The following RPL39 variants were observed in gnomAD, a reference collection of about 807,000 sequenced individuals.
RPL39 encodes large ribosomal subunit protein eL39.
For synonymous variants in RPL39, 8 were observed against 11.4 expected (o/e 0.70, Z 0.60); for missense variants, 6 against 37.2 (o/e 0.16, Z 2.18).
intron 2 of RPL39, among the ~76,000 whole-genome samples, chrX:119,788,079 A>C (rs1183638028): frequency 8.9e-6 from 1 of 112,115 alleles, no homozygotes; most frequent in African/African-American, 3.2e-5. Context: ...CAGTAAACAA[A>C]TGGTAAGCAA....
intron 2 of RPL39, among the ~76,000 whole-genome samples, chrX:119,789,168 G>A (rs34723160): frequency 1.8e-5 from 2 of 111,255 alleles, no homozygotes; most frequent in Admixed American, 9.6e-5. Flanking sequence ...AGAGAGATGA[G>A]GTGGGAGGGT....
chrX:119,789,899 A>C lies in RPL39; in HGVS notation c.107+9T>G. 1.9e-6 allele frequency: 2 copies of C among 1,045,982 alleles called. No individual in the cohort carries two copies. Among genetic ancestry groups the C allele is most frequent in the Non-Finnish European group, 2.7e-6 (2 of 745,015 alleles). 86.2% of individuals were successfully genotyped at this position (1,045,982 alleles called of 1,213,427 possible). On this transcript the variant is annotated intron_variant, in intron 2 of 2. Coordinates refer to ENST00000361575, the MANE Select transcript of RPL39 (RefSeq NM_001000.4). ...TAGCAAAATACAAGCAGTATGATGG[A>C]GGTCTTACCTGATTTTATTTCCAGT...
In RPL39 at chrX:119,786,552, G is replaced by A. The variant is rs1309930359; in HGVS notation, c.*132C>T. Reference sequence around the variant, plus strand: ...TTATTACTGAATCCAGCCAACCAACGTGTTCATAACAGATTCAGAGAGGAA... The same window carrying A: ...TTATTACTGAATCCAGCCAACCAACATGTTCATAACAGATTCAGAGAGGAA... On this transcript the variant is annotated 3_prime_UTR_variant, in exon 3 of 3. Coordinates refer to ENST00000361575, the MANE Select transcript of RPL39 (RefSeq NM_001000.4). 9 of 495,496 alleles carry A rather than the reference G, an allele frequency of 1.8e-5. No homozygotes were observed. The highest frequency in any genetic ancestry group is 7.0e-5 in the East Asian group (2 of 28,466). 40.8% of individuals were successfully genotyped at this position (495,496 alleles called of 1,213,427 possible).
intron 2 of RPL39, chrX:119,787,401 C>A (rs766599847): frequency 2.1e-5 from 8 of 373,194 alleles, no homozygotes; most frequent in Non-Finnish European, 3.1e-5. Context: ...AAGGCAAAAT[C>A]AAAAATGATT....
chrX:119,786,673 T>C lies in RPL39; in HGVS notation c.*11A>G. ...CAGCATAAATATGTGTGCCATCTCA[T>C]GTGCAATTCCTTATAGACCCAGCTT... is the stretch of plus-strand genomic sequence containing the variant. On this transcript the variant is annotated 3_prime_UTR_variant, in exon 3 of 3. Transcript: ENST00000361575. 8.6e-7 allele frequency: 1 copy of C among 1,163,753 alleles called. No homozygotes were observed. The highest frequency in any genetic ancestry group is 1.2e-6 in the Non-Finnish European group (1 of 853,389).
Sources: gnomAD v4.1 joint callset for allele counts (sites outside exome capture counted in the v4.1 genomes callset) on GRCh38, gnomAD v4.1.1 for gene constraint, MANE v1.5 for transcripts, NCBI Gene and HGNC (gene_info 2026-07-23, HGNC 2026-07-21) for gene names.